Variants in PTPRN2 observed in about 807,000 individuals in gnomAD.
The protein encoded by PTPRN2 is protein tyrosine phosphatase receptor type N2.
In PTPRN2, 74 loss-of-function variants were observed where a neutral mutation model predicts 118.8. The observed-to-expected ratio is 0.62, with a 90% CI of 0.52 to 0.76. The LOEUF (loss-of-function observed/expected upper bound fraction) is 0.76. Among genes scored for constraint, PTPRN2 ranks in the 30% least tolerant of loss-of-function variants. The probability of loss-of-function intolerance (pLI) is 0.00; values close to 1 mark genes in which losing one functional copy is unlikely to be tolerated. For missense variants in PTPRN2, 1,481 were observed against 1,394.4 expected (o/e 1.06, Z -0.99); for synonymous variants, 641 against 608.0 (o/e 1.05, Z -0.80).
rs201100433 is a variant in PTPRN2, at chr7:158,081,343, C to T, written c.1678G>A (p.Ala560Thr). 9.2e-5 allele frequency: 148 copies of T among 1,614,138 alleles called. No individual in the cohort carries two copies. Among genetic ancestry groups the T allele is most frequent in the Non-Finnish European group, 1.1e-4 (131 of 1,180,020 alleles). ...TCAGTGGTCACGTTTTGGACATTGGCGCTCACTTTGAAGGTCACTGCTGGT... is the reference window on the plus strand; with the variant it reads ...TCAGTGGTCACGTTTTGGACATTGGTGCTCACTTTGAAGGTCACTGCTGGT... Reference protein sequence around the residue: ...LGPAVTFKVSANVQNVTTEDV... With the variant: ...LGPAVTFKVSTNVQNVTTEDV... Residue 560 changes from alanine (A) to threonine (T), a missense_variant, in exon 11 of 23, where the codon GCC (alanine) becomes ACC (threonine). Ala to Thr is a moderately conservative substitution (Grantham distance 58). Coordinates refer to ENST00000389418, the MANE Select transcript of PTPRN2 (RefSeq NM_002847.5).
At chr7:157,875,367 T>C (rs1241779608) in intron 12 of PTPRN2, among the ~76,000 whole-genome samples, 1 of 152,168 alleles carries the variant, frequency 6.6e-6, no homozygotes, top group African/African-American at 2.4e-5. Context: ...TCCGTATTCA[T>C]GGTGGGAGGT....
chr7:158,073,853 G>C (rs1585350555), intron 11 of PTPRN2, among the ~76,000 whole-genome samples: 1 of 152,158 alleles, frequency 6.6e-6, no homozygotes, highest in Non-Finnish European at 1.5e-5. Flanking sequence ...GCAAAACAGA[G>C]AGCCAAGTGG....
intron 2 of PTPRN2, among the ~76,000 whole-genome samples, chr7:158,330,028 G>T (rs1269976006): frequency 8.7e-6 from 1 of 114,442 alleles, no homozygotes; most frequent in African/African-American, 3.2e-5. Context: ...CTCACCATAA[G>T]AGGTGACATC....
intron 11 of PTPRN2, among the ~76,000 whole-genome samples, chr7:158,012,212 A>T (rs1191838512): frequency 6.6e-6 from 1 of 152,212 alleles, no homozygotes; most frequent in Non-Finnish European, 1.5e-5. Context: ...TCGGAAGCAG[A>T]TGTTTAAAAC....
chr7:157,658,867 C>G (rs1795737053), intron 13 of PTPRN2, among the ~76,000 whole-genome samples: 1 of 152,160 alleles, frequency 6.6e-6, no homozygotes, highest in South Asian at 2.1e-4. Context: ...CTGCTGCTGC[C>G]TTGGTTTCAT....
At chr7:158,528,725 C>T (rs1018227859) in intron 1 of PTPRN2, among the ~76,000 whole-genome samples, 3 of 146,666 alleles carry the variant, frequency 2.0e-5, no homozygotes, top group African/African-American at 5.1e-5. Flanking sequence ...ACATGGGAGG[C>T]GGAGCTTCCA....
chr7:157,552,974 A>ACTC (rs1798708725), intron 21 of PTPRN2, among the ~76,000 whole-genome samples: 1 of 152,122 alleles, frequency 6.6e-6, no homozygotes, highest in Admixed American at 6.5e-5. Context: ...TCGTGAGCAA[A>ACTC]CTCTTCTGGG....
At chr7:157,809,152 G>A (rs1042162526) in intron 12 of PTPRN2, among the ~76,000 whole-genome samples, 55 of 152,260 alleles carry the variant, frequency 3.6e-4, no homozygotes, top group African/African-American at 7.7e-4. Context: ...AGAAGGTTTC[G>A]AAAGCTGAGT....
intron 2 of PTPRN2, among the ~76,000 whole-genome samples, chr7:158,484,345 C>T (rs1414156862): frequency 2.0e-5 from 3 of 152,068 alleles, no homozygotes; most frequent in Admixed American, 1.3e-4. Context: ...CTCTCCTGGA[C>T]TTATTTACTT....
intron 12 of PTPRN2, among the ~76,000 whole-genome samples, chr7:157,796,536 G>A (rs1199930483): frequency 2.0e-5 from 3 of 152,244 alleles, no homozygotes; most frequent in African/African-American, 7.2e-5. Context: ...TAAAAATCTG[G>A]TTGGAGAGAG....
At chr7:158,329,887 C>A (rs182247218) in intron 2 of PTPRN2, among the ~76,000 whole-genome samples, 38 of 152,188 alleles carry the variant, frequency 2.5e-4, no homozygotes, top group African/African-American at 8.0e-4. Flanking sequence ...TGAGAAAATG[C>A]GGTCACCATA....
chr7:158,053,999 TGCAGAGACCCTAGAGAC>T (rs1479555375), intron 11 of PTPRN2, among the ~76,000 whole-genome samples: 15 of 141,620 alleles, frequency 1.1e-4, no homozygotes, highest in African/African-American at 3.5e-4. Flanking sequence ...ACCCCAGAGA[TGCAGAGACCCTAGAGAC>T]GCAGAGACTC....
intron 3 of PTPRN2, among the ~76,000 whole-genome samples, chr7:158,259,765 G>A (rs967513132): frequency 6.7e-6 from 1 of 148,254 alleles, no homozygotes; most frequent in Non-Finnish European, 1.5e-5. Flanking sequence ...ATATGTGCAT[G>A]TGTTTGTGTC....
At chr7:158,528,757 G>A (rs1447187295) in intron 1 of PTPRN2, among the ~76,000 whole-genome samples, 2 of 150,032 alleles carry the variant, frequency 1.3e-5, no homozygotes, top group Non-Finnish European at 3.0e-5. Context: ...TCACACCACT[G>A]CACTGCACTC....
At chr7:158,233,957 T>C (rs1371490193) in intron 3 of PTPRN2, among the ~76,000 whole-genome samples, 1 of 152,166 alleles carries the variant, frequency 6.6e-6, no homozygotes, top group South Asian at 2.1e-4. Context: ...TCTCACCATA[T>C]ACAAAAATCG....
intron 2 of PTPRN2, among the ~76,000 whole-genome samples, chr7:158,479,013 G>A (rs138993541): frequency 5.8e-4 from 89 of 152,214 alleles, no homozygotes; most frequent in African/African-American, 1.9e-3. Flanking sequence ...AGTGGCTCCC[G>A]TGTTTCTCAG....
At chr7:158,077,425 A>G (rs994570651) in intron 11 of PTPRN2, among the ~76,000 whole-genome samples, 1 of 152,156 alleles carries the variant, frequency 6.6e-6, no homozygotes, top group Admixed American at 6.5e-5. Flanking sequence ...GAAAGAAACA[A>G]TGGCAGCTGA....
intron 2 of PTPRN2, among the ~76,000 whole-genome samples, chr7:158,340,791 G>A (rs1806591143): frequency 3.9e-5 from 3 of 76,994 alleles, no homozygotes; most frequent in African/African-American, 1.6e-4. Context: ...GGTGACACCT[G>A]CAGACGTCAC....
chr7:157,616,752 G>A (rs151073371), intron 15 of PTPRN2: 16 of 151,594 alleles, frequency 1.1e-4, no homozygotes, highest in Admixed American at 9.2e-4. Flanking sequence ...AATCACCCAC[G>A]TATTCATCTT....
Sources: gnomAD v4.1 joint callset for allele counts (sites outside exome capture counted in the v4.1 genomes callset) on GRCh38, gnomAD v4.1.1 for gene constraint, MANE v1.5 for transcripts, NCBI Gene and HGNC (gene_info 2026-07-23, HGNC 2026-07-21) for gene names.